RAB27B: variants seen among roughly 807,000 people sequenced by gnomAD.
The protein encoded by RAB27B is RAB27B, member RAS oncogene family.
Under a neutral mutation model 24.6 loss-of-function variants are expected in RAB27B, and 15 were observed. The ratio of observed to expected loss-of-function variants is 0.61; its 90% CI spans 0.41 to 0.94. RAB27B has a LOEUF of 0.94. Ranked by LOEUF, RAB27B falls within the 40% of genes least tolerant of loss-of-function variation. RAB27B has a pLI of 0.00. For missense variants in RAB27B, 261 were observed against 266.8 expected (o/e 0.98, Z 0.15); for synonymous variants, 105 against 92.5 (o/e 1.14, Z -0.78).
chr18:54,741,357 C>T (rs1910065319), intron 2 of RAB27B, among the ~76,000 whole-genome samples: 2 of 152,086 alleles, frequency 1.3e-5, no homozygotes, highest in Non-Finnish European at 2.9e-5. Context: ...TTATTTCCTC[C>T]CTTTTGTCAC....
chr18:54,857,360 C>T (rs1202688855), intron 1 of RAB27B, among the ~76,000 whole-genome samples: 1 of 152,170 alleles, frequency 6.6e-6, no homozygotes, highest in Non-Finnish European at 1.5e-5. Context: ...GAATCATTTC[C>T]ATCATATTCA....
chr18:54,762,997 TTTAC>T lies in RAB27B; in HGVS notation c.-20+44860_-20+44863del, dbSNP rs1450027991. Among the ~76,000 whole-genome samples, 3 of 152,316 alleles carry T rather than the reference TTTAC, an allele frequency of 2.0e-5. No homozygotes were observed. The East Asian group carries it at 5.8e-4, about 29-fold the overall frequency. On this transcript the variant is annotated intron_variant, in intron 2 of 4. Coordinates refer to the RAB27B transcript ENST00000586570. ...AAATTTATTTTCCTTCAAATTTATT[TTTAC>T]TTAATGCATTCATTCATTCATCAAA... is the stretch of plus-strand genomic sequence containing the variant.
intron 1 of RAB27B, among the ~76,000 whole-genome samples, chr18:54,830,743 A>G (rs1394444122): frequency 6.6e-6 from 1 of 152,184 alleles, no homozygotes; most frequent in Non-Finnish European, 1.5e-5. Context: ...GTATTACTCA[A>G]TTTCTTTCAC....
chr18:54,883,765 T>C (rs1237455721), intron 3 of RAB27B, among the ~76,000 whole-genome samples: 2 of 152,146 alleles, frequency 1.3e-5, no homozygotes, highest in Non-Finnish European at 2.9e-5. Flanking sequence ...TTCCTTTTCC[T>C]CGTGAATCCT....
At chr18:54,794,531 CTCTG>C (rs1192341666) in intron 2 of RAB27B, among the ~76,000 whole-genome samples, 1 of 152,156 alleles carries the variant, frequency 6.6e-6, no homozygotes, top group African/African-American at 2.4e-5. Flanking sequence ...TAGGATGATT[CTCTG>C]TCTGAGGATA....
At chr18:54,758,800 A>T (rs1017966379) in intron 2 of RAB27B, among the ~76,000 whole-genome samples, 1 of 152,056 alleles carries the variant, frequency 6.6e-6, no homozygotes, top group African/African-American at 2.4e-5. Context: ...CTGAAGTGGG[A>T]GCAAATGCCA....
chr18:54,783,350 T>C (rs1908975714), intron 2 of RAB27B, among the ~76,000 whole-genome samples: 1 of 152,168 alleles, frequency 6.6e-6, no homozygotes, highest in Non-Finnish European at 1.5e-5. Context: ...TTGAAGAATG[T>C]ATTTTATCAC....
chr18:54,889,228 C>G lies in RAB27B; in HGVS notation c.472C>G (p.Pro158Ala), dbSNP rs1210615856. ...TTGCCATCCTTTCTATGCTAGCATA[C>G]CATATTTTGAAACAAGTGCAGCAAC... ...ARELADKYGI[P>A]YFETSAATGQ... Residue 158 changes from proline to alanine, a missense_variant, in exon 6 of 6, where the codon CCA becomes GCA. Pro to Ala is a conservative substitution (Grantham distance 27). Transcript: ENST00000262094. 3 of 1,607,080 alleles carry G rather than the reference C, an allele frequency of 1.9e-6. No homozygotes were observed. In the South Asian group the frequency reaches 3.4e-5, roughly 18 times the overall value.
At chr18:54,723,535 C>T (rs1054619845) in intron 2 of RAB27B, among the ~76,000 whole-genome samples, 2 of 151,864 alleles carry the variant, frequency 1.3e-5, no homozygotes, top group Non-Finnish European at 2.9e-5. Flanking sequence ...TAGTATAATC[C>T]TGAATATAAG....
chr18:54,803,348 G>A (rs1037195278), intron 2 of RAB27B, among the ~76,000 whole-genome samples: 2 of 152,140 alleles, frequency 1.3e-5, no homozygotes, highest in African/African-American at 4.8e-5. Context: ...CATGAGGCTT[G>A]ACAGATCAGA....
At chr18:54,831,336 A>G (rs1910667637) in intron 1 of RAB27B, among the ~76,000 whole-genome samples, 1 of 152,002 alleles carries the variant, frequency 6.6e-6, no homozygotes, top group East Asian at 1.9e-4. Context: ...AAGCCCATGA[A>G]CCTGGCACAG....
chr18:54,780,945 A>G (rs1908896939), intron 2 of RAB27B, among the ~76,000 whole-genome samples: 1 of 152,194 alleles, frequency 6.6e-6, no homozygotes, highest in African/African-American at 2.4e-5. Context: ...ATAGCCTTAT[A>G]TTCACACCCA....
At chr18:54,861,708 T>A (rs1035698505) in intron 1 of RAB27B, among the ~76,000 whole-genome samples, 8 of 152,222 alleles carry the variant, frequency 5.3e-5, no homozygotes, top group African/African-American at 1.9e-4. Flanking sequence ...AAGGTACACA[T>A]GCTTTTGTCA....
intron 4 of RAB27B, among the ~76,000 whole-genome samples, chr18:54,887,354 C>T (rs574348679): frequency 1.6e-4 from 25 of 151,878 alleles, no homozygotes; most frequent in Admixed American, 3.3e-4. Flanking sequence ...GGAGCATTTC[C>T]CCAGATGTAT....
At chr18:54,815,493 A>T (rs1390019223) in intron 2 of RAB27B, among the ~76,000 whole-genome samples, 1 of 152,186 alleles carries the variant, frequency 6.6e-6, no homozygotes, top group African/African-American at 2.4e-5. Flanking sequence ...ACAGTCTCAA[A>T]TCCCTCTGCC....
At chr18:54,748,809 A>G (rs1032335536) in intron 2 of RAB27B, among the ~76,000 whole-genome samples, 2 of 152,236 alleles carry the variant, frequency 1.3e-5, no homozygotes, top group Admixed American at 6.5e-5. Context: ...ATTTTAATGC[A>G]TGTGTGGACA....
At chr18:54,886,562 C>T (rs1343354784) in intron 4 of RAB27B, among the ~76,000 whole-genome samples, 4 of 151,784 alleles carry the variant, frequency 2.6e-5, no homozygotes, top group African/African-American at 9.7e-5. Context: ...TCCAAATGAA[C>T]GTTTATCTTA....
chr18:54,774,007 GGTTA>G (rs1908638766), intron 2 of RAB27B, among the ~76,000 whole-genome samples: 1 of 152,106 alleles, frequency 6.6e-6, no homozygotes, highest in Non-Finnish European at 1.5e-5. Flanking sequence ...CACCAGAATA[GGTTA>G]GTTAATTTAA....
At chr18:54,804,892 CTCTTTCTCTCTCTCTT>C (rs1341815831) in intron 2 of RAB27B, among the ~76,000 whole-genome samples, 1 of 47,890 alleles carries the variant, frequency 2.1e-5, no homozygotes, top group Non-Finnish European at 4.6e-5. Flanking sequence ...TTCTTTCTTT[CTCTTTCTCTCTCTCTT>C]TCTTTCTTTC....
Sources: allele counts gnomAD v4.1 joint callset (sites outside exome capture counted in the v4.1 genomes callset), GRCh38; gene constraint gnomAD v4.1.1; transcripts MANE v1.5; gene names NCBI Gene and HGNC (gene_info 2026-07-23, HGNC 2026-07-21).